XKR4: variants seen among roughly 807,000 people sequenced by gnomAD.
XKR4 encodes the protein XK-related protein 4.
In XKR4, 12 loss-of-function variants were observed where a neutral mutation model predicts 53.9. The observed-to-expected ratio is 0.22, with a 90% confidence interval of 0.14 to 0.36. XKR4 has a LOEUF of 0.36. XKR4 is among the 10% of genes least tolerant of loss of function. The pLI, the probability that XKR4 is intolerant of heterozygous loss-of-function variation, is 1.00. For missense variants in XKR4, 799 were observed against 859.5 expected, an observed-to-expected ratio of 0.93 and a Z score of 0.88; for synonymous variants, 354 against 362.4, an observed-to-expected ratio of 0.98 and a Z score of 0.26.
At chr8:55,266,400 G>C (rs1258207420) in intron 1 of XKR4, among the ~76,000 whole-genome samples, 1 of 152,030 alleles carries the variant, frequency 6.6e-6, no homozygotes, top group African/African-American at 2.4e-5. Context: ...CCATGGGTTT[G>C]ACTTAAAGGT....
At chr8:55,121,741 A>C (rs1816393528) in intron 1 of XKR4, among the ~76,000 whole-genome samples, 1 of 152,124 alleles carries the variant, frequency 6.6e-6, no homozygotes, top group South Asian at 2.1e-4. Flanking sequence ...TGGGTTTTTA[A>C]ACTTGCTCAG....
At chr8:55,516,509 G>C (rs1388861161) in intron 2 of XKR4, among the ~76,000 whole-genome samples, 2 of 152,128 alleles carry the variant, frequency 1.3e-5, no homozygotes, top group Non-Finnish European at 2.9e-5. Context: ...AAGAAATGGG[G>C]AGAGAAAAAG....
intron 1 of XKR4, among the ~76,000 whole-genome samples, chr8:55,192,774 G>C (rs1817460685): frequency 6.6e-6 from 1 of 152,166 alleles, no homozygotes; most frequent in Admixed American, 6.5e-5. Context: ...ACATGAAAAT[G>C]AACAAACTTG....
chr8:55,470,049 G>A (rs1332553503), intron 2 of XKR4, among the ~76,000 whole-genome samples: 1 of 152,046 alleles, frequency 6.6e-6, no homozygotes, highest in East Asian at 1.9e-4. Context: ...CAAAGGAGGA[G>A]GTACTCAGCT....
At chr8:55,219,070 A>G (rs79183251) in intron 1 of XKR4, among the ~76,000 whole-genome samples, 1 of 151,068 alleles carries the variant, frequency 6.6e-6, no homozygotes, top group Non-Finnish European at 1.5e-5. Flanking sequence ...TAAACGTCTG[A>G]AAAAAAGGAT....
intron 2 of XKR4, among the ~76,000 whole-genome samples, chr8:55,393,432 AAGG>A (rs1804471521): frequency 6.7e-6 from 1 of 150,372 alleles, no homozygotes; most frequent in Non-Finnish European, 1.5e-5. Context: ...GGAAGGAAGG[AAGG>A]AAGGAAGGAA....
intron 2 of XKR4, among the ~76,000 whole-genome samples, chr8:55,428,409 G>T (rs981555203): frequency 2.6e-5 from 4 of 152,162 alleles, no homozygotes; most frequent in Non-Finnish European, 5.9e-5. Flanking sequence ...AGACATCCCA[G>T]CAAGACAGTA....
At chr8:55,390,878 A>G (rs1804435547) in intron 2 of XKR4, among the ~76,000 whole-genome samples, 1 of 152,202 alleles carries the variant, frequency 6.6e-6, no homozygotes, top group Non-Finnish European at 1.5e-5. Context: ...CTTCAAAGCC[A>G]TTCTCATCTC....
At position 55,530,688 on chromosome 8, in the gene XKR4, C is replaced by T. The variant is rs1459533926; in HGVS notation, c.*6461C>T. 6.6e-6 allele frequency: 1 copy of T among 152,252 alleles called. No individual in the cohort carries two copies. The highest frequency in any genetic ancestry group is 2.1e-4 in the South Asian group (1 of 4,824). The allele number at this position is 152,252 out of a possible 1,614,324, so 9.4% of individuals were successfully genotyped here. On this transcript the variant is annotated 3_prime_UTR_variant, in exon 3 of 3. Transcript: ENST00000327381. The stretch of plus-strand genomic sequence containing the variant: ...TAAAATACAAGTAACTATCTTCCTA[C>T]TTTGATTTAAGAGATCTTTATGAAT...
At chr8:55,291,425 T>G (rs1014965215) in intron 1 of XKR4, among the ~76,000 whole-genome samples, 11 of 152,202 alleles carry the variant, frequency 7.2e-5, no homozygotes, top group Non-Finnish European at 1.3e-4. Flanking sequence ...TTACAGAAAT[T>G]TTGTTAAAAC....
At chr8:55,224,100 A>T (rs1201854564) in intron 1 of XKR4, among the ~76,000 whole-genome samples, 1 of 152,038 alleles carries the variant, frequency 6.6e-6, no homozygotes, top group Non-Finnish European at 1.5e-5. Context: ...CTTTTTCTAC[A>T]TTTTCTTTTT....
At chr8:55,523,211 T>TACAGAG in intron 2 of XKR4, 70 bp from the exon 3 acceptor site, 1 of 1,361,496 alleles carries the variant, frequency 7.3e-7, no homozygotes, top group South Asian at 1.5e-5. Flanking sequence ...AGCCCCCAGC[T>TACAGAG]CTGTGTGACT....
intron 1 of XKR4, among the ~76,000 whole-genome samples, chr8:55,301,049 G>T (rs1193116260): frequency 6.6e-6 from 1 of 151,638 alleles, no homozygotes; most frequent in Non-Finnish European, 1.5e-5. Context: ...CAATGTGCAG[G>T]TTTGTTACAT....
At position 55,302,660 on chromosome 8, in the gene XKR4, CT is replaced by C. The variant is rs1325415156; in HGVS notation, c.807-55014del. On this transcript the variant is annotated intron_variant, in intron 1 of 2. Transcript: ENST00000327381. ...ATGTTCTTCCATTTGTTTGTATCCT[CT>C]TTTATTTCCTTGAGCAGTGGTTTGT... Among the ~76,000 whole-genome samples the C allele has an allele frequency of 3.3e-5, 5 of 152,118 alleles. No homozygotes were observed. The East Asian group carries it at 9.6e-4, about 29-fold the overall frequency.
intron 1 of XKR4, among the ~76,000 whole-genome samples, chr8:55,195,761 G>T (rs886650084): frequency 6.6e-6 from 1 of 152,086 alleles, no homozygotes; most frequent in Non-Finnish European, 1.5e-5. Flanking sequence ...GTTTAGTTTT[G>T]CATATACAAA....
At chr8:55,126,130 GAAGA>G (rs1816465996) in intron 1 of XKR4, among the ~76,000 whole-genome samples, 1 of 152,114 alleles carries the variant, frequency 6.6e-6, no homozygotes, top group Non-Finnish European at 1.5e-5. Context: ...AAGAAGGAAG[GAAGA>G]GAGTGAGGGA....
chr8:55,462,895 T>G (rs1481587053), intron 2 of XKR4, among the ~76,000 whole-genome samples: 1 of 151,978 alleles, frequency 6.6e-6, no homozygotes, highest in Middle Eastern at 3.2e-3. Context: ...TACATAATGG[T>G]AAAGGGATCA....
chr8:55,272,252 G>A (rs892566336), intron 1 of XKR4, among the ~76,000 whole-genome samples: 14 of 152,178 alleles, frequency 9.2e-5, no homozygotes, highest in African/African-American at 3.4e-4. Flanking sequence ...ACAATGGAAG[G>A]CTTTTGATCT....
chr8:55,509,506 A>G (rs75625362), intron 2 of XKR4, among the ~76,000 whole-genome samples: 1,784 of 152,324 alleles, frequency 0.012, 31 homozygotes, highest in African/African-American at 0.041. Flanking sequence ...AAATACAGTA[A>G]TTATCAGAGC....
Sources: gnomAD v4.1 joint callset for allele counts (sites outside exome capture counted in the v4.1 genomes callset) on GRCh38, gnomAD v4.1.1 for gene constraint, MANE v1.5 for transcripts, NCBI Gene and HGNC (gene_info 2026-07-23, HGNC 2026-07-21) for gene names.